The following LRRC37A2 variants were observed in gnomAD, a reference collection of about 807,000 sequenced individuals.
LRRC37A2 encodes the protein leucine rich repeat containing 37 member A2, also known as leucine-rich repeat-containing protein 37A2.
Under a neutral mutation model 68.8 loss-of-function variants are expected in LRRC37A2, and 9 were observed. The ratio of observed to expected loss-of-function variants is 0.13; its 90% CI spans 0.08 to 0.23. The LOEUF is 0.23. Ranked by LOEUF, LRRC37A2 falls within the 10% of genes least tolerant of loss-of-function variation. The pLI is 1.00. For missense variants in LRRC37A2, 168 were observed against 950.4 expected (o/e 0.18, Z 10.82); for synonymous variants, 63 against 367.6 (o/e 0.17, Z 9.48).
At chr17:46,850,705 C>A in the LRRC37A2 span, among the ~76,000 whole-genome samples, 1 of 152,346 alleles carries the variant, frequency 6.6e-6, no homozygotes, top group African/African-American at 2.4e-5. Context: ...TTGATCTCTG[C>A]ACCTTCGCAG....
the LRRC37A2 span, among the ~76,000 whole-genome samples, chr17:46,772,294 G>C: frequency 6.6e-6 from 1 of 152,234 alleles, no homozygotes; most frequent in Non-Finnish European, 1.5e-5. Context: ...GGCCATCTAG[G>C]GACCGGGGCG....
chr17:46,896,870 G>A, the LRRC37A2 span, among the ~76,000 whole-genome samples: 1 of 152,134 alleles, frequency 6.6e-6, no homozygotes, highest in Non-Finnish European at 1.5e-5. Context: ...GGGACCCTGA[G>A]GGCATCTAGG....
At chr17:47,006,422 G>A in the LRRC37A2 span, among the ~76,000 whole-genome samples, 11 of 151,972 alleles carry the variant, frequency 7.2e-5, no homozygotes, top group Admixed American at 6.6e-4. Flanking sequence ...GACCAGCCTC[G>A]CCAACATGAC....
chr17:46,872,744 T>C, the LRRC37A2 span: 2 of 1,470,086 alleles, frequency 1.4e-6, no homozygotes, highest in Admixed American at 1.9e-5. Flanking sequence ...AACTGTAGCC[T>C]GGAGGGCAGG....
chr17:46,862,760 C>T, the LRRC37A2 span, among the ~76,000 whole-genome samples: 41 of 152,070 alleles, frequency 2.7e-4, no homozygotes, highest in East Asian at 7.7e-3. Flanking sequence ...TTTTTTGTAT[C>T]TTTAGTAGAG....
the LRRC37A2 span, among the ~76,000 whole-genome samples, chr17:46,869,506 C>T: frequency 5.3e-5 from 8 of 152,288 alleles, no homozygotes; most frequent in South Asian, 2.1e-4. Flanking sequence ...GCACCAAAAA[C>T]GAAAACAAAA....
the LRRC37A2 span, among the ~76,000 whole-genome samples, chr17:46,816,131 TCACA>T: frequency 5.3e-5 from 1 of 19,016 alleles, no homozygotes; most frequent in Non-Finnish European, 1.1e-4. Flanking sequence ...ACACACACAC[TCACA>T]CACACGCACG....
intron 6 of LRRC37A2, among the ~76,000 whole-genome samples, chr17:46,533,340 A>T (rs1289197351): frequency 6.1e-5 from 5 of 81,768 alleles, no homozygotes; most frequent in Non-Finnish European, 1.0e-4. Flanking sequence ...GTTCAGATTA[A>T]TTCCAACTTT....
At chr17:47,037,935 TTCA>T in the LRRC37A2 span, among the ~76,000 whole-genome samples, 6 of 152,218 alleles carry the variant, frequency 3.9e-5, no homozygotes, top group African/African-American at 1.4e-4. Context: ...TATAATCCTT[TTCA>T]TCATATTATA....
At chr17:46,487,274 G>A in the LRRC37A2 span, 1 of 226,270 alleles carries the variant, frequency 4.4e-6, no homozygotes. Flanking sequence ...GAAAATTTTA[G>A]TATTGGAAAT....
At chr17:46,994,135 G>A in the LRRC37A2 span, among the ~76,000 whole-genome samples, 42 of 152,212 alleles carry the variant, frequency 2.8e-4, no homozygotes, top group African/African-American at 7.9e-4. Flanking sequence ...CCATAATCCC[G>A]GGACTTTGGG....
At chr17:46,893,890 A>G in the LRRC37A2 span, among the ~76,000 whole-genome samples, 4 of 152,306 alleles carry the variant, frequency 2.6e-5, no homozygotes, top group East Asian at 7.7e-4. Flanking sequence ...GTCATGCTTC[A>G]AGTGGGCGTG....
chr17:46,786,665 C>T, the LRRC37A2 span, among the ~76,000 whole-genome samples: 5 of 152,198 alleles, frequency 3.3e-5, no homozygotes, highest in South Asian at 2.1e-4. Context: ...CAGGTAGGGT[C>T]CCAGCCCTCT....
chr17:46,748,708 A>G, the LRRC37A2 span, among the ~76,000 whole-genome samples: 6 of 152,326 alleles, frequency 3.9e-5, no homozygotes, highest in African/African-American at 1.2e-4. Context: ...CTGGAGGGGA[A>G]TTTCTTCAAG....
At chr17:46,741,360 T>C in the LRRC37A2 span, among the ~76,000 whole-genome samples, 2 of 152,214 alleles carry the variant, frequency 1.3e-5, no homozygotes, top group Non-Finnish European at 2.9e-5. Flanking sequence ...GTATTTTAAA[T>C]TATTAAGGGT....
At chr17:46,793,272 TAAAAAAAAAAAAAA>T in the LRRC37A2 span, among the ~76,000 whole-genome samples, 1 of 41,952 alleles carries the variant, frequency 2.4e-5, no homozygotes, top group Non-Finnish European at 4.0e-5. Context: ...AGACCCTGTC[TAAAAAAAAAAAAAA>T]AAAAAAAAAA....
chr17:46,673,962 TATATG>T, the LRRC37A2 span, among the ~76,000 whole-genome samples: 2 of 15,686 alleles, frequency 1.3e-4, 1 homozygote, highest in African/African-American at 2.9e-4. Flanking sequence ...TGTATACACA[TATATG>T]ATATATAATA....
the LRRC37A2 span, among the ~76,000 whole-genome samples, chr17:47,011,119 G>A: frequency 6.6e-6 from 1 of 152,182 alleles, no homozygotes; most frequent in African/African-American, 2.4e-5. Flanking sequence ...CCAACCGGAA[G>A]CCGCCTGACA....
At chr17:46,737,508 C>T in the LRRC37A2 span, among the ~76,000 whole-genome samples, 1 of 151,858 alleles carries the variant, frequency 6.6e-6, no homozygotes. Context: ...GGGAAGGAAG[C>T]AAGGGTGGCT....
Sources: allele counts gnomAD v4.1 joint callset (sites outside exome capture counted in the v4.1 genomes callset), GRCh38; gene constraint gnomAD v4.1.1; transcripts MANE v1.5; gene names NCBI Gene and HGNC (gene_info 2026-07-23, HGNC 2026-07-21).